Variants in ATP5F1A observed in about 807,000 individuals in gnomAD.
The protein encoded by ATP5F1A is ATP synthase F1 subunit alpha.
In ATP5F1A, 24 loss-of-function variants were observed where a neutral mutation model predicts 57.4. That is an observed-to-expected ratio of 0.42 (90% confidence interval 0.30 to 0.59). The LOEUF (loss-of-function observed/expected upper bound fraction) is 0.59. Ranked by LOEUF, ATP5F1A falls within the 20% of genes least tolerant of loss-of-function variation. The probability of loss-of-function intolerance (pLI) is 0.19; values close to 1 mark genes in which losing one functional copy is unlikely to be tolerated. For synonymous variants in ATP5F1A, 251 were observed against 255.5 expected, an observed-to-expected ratio of 0.98 and a Z score of 0.17; for missense variants, 494 against 707.9, an observed-to-expected ratio of 0.70 and a Z score of 3.43.
chr18:46,081,673 C>CAAAAAAAAAA lies in ATP5F1A; in HGVS notation c.*2599_*2608dup, dbSNP rs1159742250. The CAAAAAAAAAA allele has an allele frequency of 9.3e-5, 7 of 75,452 alleles. No homozygotes were observed. The highest frequency in any genetic ancestry group is 1.4e-4 in the African/African-American group (3 of 21,648). 4.7% of individuals were successfully genotyped at this position (75,452 alleles called of 1,614,324 possible). A position where few individuals can be genotyped will look rare whatever the true frequency, so the allele number is the denominator to read the frequency against. ...GAGCAAAACTCTCAAAAAAAAAAAA[C>CAAAAAAAAAA]AAAAAAAAAAAAAAAAAAAAAAAAC... On this transcript the variant is annotated 3_prime_UTR_variant, in exon 12 of 12. Coordinates refer to ENST00000398752, the MANE Select transcript of ATP5F1A (RefSeq NM_004046.6).
Position 46,081,673 on chromosome 18 carries a change from C to CAAAAAAAAA in ATP5F1A, c.*2600_*2608dup, listed in dbSNP as rs1159742250. 4 of 75,454 alleles carry CAAAAAAAAA rather than the reference C, an allele frequency of 5.3e-5. No homozygotes were observed. Among genetic ancestry groups the CAAAAAAAAA allele is most frequent in the Non-Finnish European group, 8.2e-5 (3 of 36,806 alleles). 4.7% of individuals were successfully genotyped at this position (75,454 alleles called of 1,614,324 possible). On this transcript the variant is annotated 3_prime_UTR_variant, in exon 12 of 12. Transcript: ENST00000398752. Reference sequence around the variant, plus strand: ...GAGCAAAACTCTCAAAAAAAAAAAACAAAAAAAAAAAAAAAAAAAAAAAAC... The same window carrying CAAAAAAAAA: ...GAGCAAAACTCTCAAAAAAAAAAAACAAAAAAAAAAAAAAAAAAAAAAAAAAAAAAAAAC...
At chr18:46,096,500 CA>C (rs770383471) in intron 1 of ATP5F1A, among the ~76,000 whole-genome samples, 179 of 70,620 alleles carry the variant, frequency 2.5e-3, no homozygotes, top group Admixed American at 7.2e-3. Context: ...AACTCCGTCT[CA>C]AAAAAAAAAA....
chr18:46,088,905 A>G (rs565902388), intron 5 of ATP5F1A, among the ~76,000 whole-genome samples: 6 of 152,046 alleles, frequency 3.9e-5, no homozygotes, highest in African/African-American at 1.2e-4. Flanking sequence ...TGGAGGTGAG[A>G]TATGCTGGCA....
chr18:46,098,365 A>ACCC (rs1911143208), upstream of ATP5F1A: 2 of 1,147,112 alleles, frequency 1.7e-6, no homozygotes, highest in Admixed American at 4.2e-5. Flanking sequence ...CGCGTTCACC[A>ACCC]CCTCTCCCCC....
At chr18:46,102,258 C>G (rs974484721), upstream of ATP5F1A, among the ~76,000 whole-genome samples, 1 of 151,394 alleles carries the variant, frequency 6.6e-6, no homozygotes, top group Non-Finnish European at 1.5e-5. Context: ...CTTTTTTTGC[C>G]CCATACTGAA....
intron 1 of ATP5F1A, among the ~76,000 whole-genome samples, chr18:46,095,604 C>G (rs1038566125): frequency 1.3e-5 from 2 of 151,650 alleles, no homozygotes; most frequent in African/African-American, 4.8e-5. Context: ...GGCGTGAGCA[C>G]CGCACCCGGC....
Position 46,089,309 on chromosome 18 carries a change from C to G in ATP5F1A, c.650+257G>C, listed in dbSNP as rs1220117711. On this transcript the variant is annotated intron_variant, in intron 5 of 11. Transcript: ENST00000398752. The stretch of plus-strand genomic sequence containing the variant: ...GGGCTGGCCCCCTTCATCTGGTGCC[C>G]AACATGGGGCTCAAACCCACGACCC... The G allele has an allele frequency of 1.2e-5, 5 of 419,882 alleles. No individual in the cohort carries two copies. The South Asian group carries it at 1.7e-4, about 15-fold the overall frequency. 26.0% of individuals were successfully genotyped at this position (419,882 alleles called of 1,614,324 possible). A position where few individuals can be genotyped will look rare whatever the true frequency, so the allele number is the denominator to read the frequency against.
chr18:46,089,494 C>A, intron 5 of ATP5F1A, 72 bp downstream of exon 5: 1 of 1,557,626 alleles, frequency 6.4e-7, no homozygotes, highest in African/African-American at 1.4e-5. Context: ...ATTTACCATT[C>A]CAAGACTAAA....
intron 2 of ATP5F1A, among the ~76,000 whole-genome samples, chr18:46,093,526 G>A (rs928861984): frequency 1.3e-5 from 2 of 151,304 alleles, no homozygotes; most frequent in African/African-American, 4.9e-5. Context: ...GCAACAGAGC[G>A]AAACTCTGTC....
upstream of ATP5F1A, among the ~76,000 whole-genome samples, chr18:46,099,814 TAA>T (rs1911215078): frequency 1.3e-5 from 2 of 152,242 alleles, no homozygotes; most frequent in South Asian, 4.1e-4. Context: ...GTGAGGCAAA[TAA>T]ATATCCGGGC....
chr18:46,091,623 A>G (rs754366829), intron 3 of ATP5F1A, 59 bp downstream of exon 3: 19 of 1,464,700 alleles, frequency 1.3e-5, no homozygotes, highest in Non-Finnish European at 1.7e-5. Context: ...TTGAATCGCT[A>G]AATGAATAAC....
Position 46,084,561 on chromosome 18 carries a change from T to G in ATP5F1A, c.1523A>C (p.Glu508Ala), listed in dbSNP as rs1909946460. ...GACGACATGAGACAAGAAAGCATTC[T>G]CAAACTTTGTAATCTTGCTGGGCTC... is the stretch of plus-strand genomic sequence containing the variant. ...KLEPSKITKF[E>A]NAFLSHVVSQ... The change falls in exon 11 of 12, where the codon GAG becomes GCG. Residue 508 changes from glutamate (E) to alanine (A), a missense_variant. Transcript: ENST00000398752. 3 of 1,612,944 alleles carry G rather than the reference T, an allele frequency of 1.9e-6. No homozygotes were observed. The highest frequency in any genetic ancestry group is 2.5e-6 in the Non-Finnish European group (3 of 1,179,784).
intron 2 of ATP5F1A, 123 bp from the exon 3 acceptor site, chr18:46,091,974 AC>A: frequency 1.3e-6 from 1 of 786,296 alleles, no homozygotes; most frequent in Non-Finnish European, 1.9e-6. Context: ...GGAGTTTGAG[AC>A]CAGCCTGACC....
At position 46,088,857 on chromosome 18, in the gene ATP5F1A, A is replaced by G. The variant is rs571489283; in HGVS notation, c.651-600T>C. Among the ~76,000 whole-genome samples, 18 of 152,088 alleles carry G rather than the reference A, an allele frequency of 1.2e-4. No homozygotes were observed. In the East Asian group the frequency reaches 2.5e-3, roughly 21 times the overall value. ...GTCTTGGTGTAAAACCCAATCGTAC[A>G]TTCTATTTACTGAGATAGGAGAAAA... is the stretch of plus-strand genomic sequence containing the variant. On this transcript the variant is annotated intron_variant, in intron 5 of 11. Transcript: ENST00000398752.
upstream of ATP5F1A, chr18:46,098,365 AC>A: frequency 2.7e-5 from 32 of 1,188,918 alleles, no homozygotes; most frequent in Non-Finnish European, 3.3e-5. Context: ...CGCGTTCACC[AC>A]CTCTCCCCCC....
In ATP5F1A at chr18:46,081,682, A is replaced by ACC. The variant is rs1568240655; in HGVS notation, c.*2599_*2600insGG. ...TCTCAAAAAAAAAAAACAAAAAAAA[A>ACC]AAAAAAAAAAAAAAACGAAATGTGC... is the stretch of plus-strand genomic sequence containing the variant. On this transcript the variant is annotated 3_prime_UTR_variant, in exon 12 of 12. Coordinates refer to ENST00000398752, the MANE Select transcript of ATP5F1A (RefSeq NM_004046.6). 9.8e-6 allele frequency: 1 copy of ACC among 102,326 alleles called. No homozygotes were observed. Among genetic ancestry groups the ACC allele is most frequent in the Non-Finnish European group, 1.9e-5 (1 of 52,892 alleles). 6.3% of individuals were successfully genotyped at this position (102,326 alleles called of 1,614,324 possible).
At chr18:46,094,729 T>C (rs1910818244) in intron 2 of ATP5F1A, 1 of 199,208 alleles carries the variant, frequency 5.0e-6, no homozygotes, top group Non-Finnish European at 1.0e-5. Context: ...TAATGCCTTT[T>C]AGAAAAGGAA....
chr18:46,098,312 A>C (rs1911135190), upstream of ATP5F1A: 6 of 1,489,966 alleles, frequency 4.0e-6, no homozygotes, highest in South Asian at 1.2e-5. Flanking sequence ...GCCGCAAAGA[A>C]GGTCAAGACA....
At chr18:46,091,541 A>AG in intron 3 of ATP5F1A, 141 bp downstream of exon 3, 1 of 906,858 alleles carries the variant, frequency 1.1e-6, no homozygotes, top group Non-Finnish European at 1.6e-6. Context: ...TTCTCTTTAC[A>AG]ATCTATGATA....
Sources: allele counts gnomAD v4.1 joint callset (sites outside exome capture counted in the v4.1 genomes callset), GRCh38; gene constraint gnomAD v4.1.1; transcripts MANE v1.5; gene names NCBI Gene and HGNC (gene_info 2026-07-23, HGNC 2026-07-21).